ZNF124: variants seen among roughly 807,000 people sequenced by gnomAD.
The protein encoded by ZNF124 is zinc finger protein 124.
ZNF124 carries 25 observed loss-of-function variants against 26.6 expected under a neutral mutation model. The ratio of observed to expected loss-of-function variants is 0.94; its 90% CI spans 0.68 to 1.31. The LOEUF (loss-of-function observed/expected upper bound fraction) is 1.31, where lower values mean the gene tolerates loss of function less well. Ranked by LOEUF, ZNF124 falls within the 40% of genes most tolerant of loss-of-function variation. The pLI is 0.00. For synonymous variants in ZNF124, 129 were observed against 133.3 expected (o/e 0.97, Z 0.22); for missense variants, 444 against 422.2 (o/e 1.05, Z -0.45).
intron 1 of ZNF124, among the ~76,000 whole-genome samples, chr1:247,170,801 C>T (rs1407029736): frequency 1.4e-5 from 2 of 139,426 alleles, no homozygotes; most frequent in South Asian, 2.5e-4. Context: ...TTTCACAGTG[C>T]TTTTCCATAC....
At chr1:247,167,576 C>G (rs532444222) in intron 1 of ZNF124, among the ~76,000 whole-genome samples, 1 of 151,938 alleles carries the variant, frequency 6.6e-6, no homozygotes, top group African/African-American at 2.4e-5. Context: ...AAAGAAGAGA[C>G]GAGACCTCAA....
downstream of ZNF124, among the ~76,000 whole-genome samples, chr1:247,151,117 C>T (rs560762344): frequency 1.0e-3 from 158 of 152,168 alleles, no homozygotes; most frequent in Non-Finnish European, 1.9e-3. Context: ...TGTTAGTAAT[C>T]GGAGAAATGT....
intron 1 of ZNF124, among the ~76,000 whole-genome samples, chr1:247,165,533 G>A (rs544767688): frequency 1.1e-4 from 17 of 152,220 alleles, no homozygotes; most frequent in African/African-American, 4.1e-4. Context: ...TGCCCAAAGC[G>A]ACTGCCACAA....
chr1:247,124,596 A>G (rs1244755764), intron 3 of ZNF124, among the ~76,000 whole-genome samples: 1 of 152,152 alleles, frequency 6.6e-6, no homozygotes, highest in Non-Finnish European at 1.5e-5. Flanking sequence ...TGCATCCTGT[A>G]GCAGCCAACT....
At chr1:247,166,688 A>ACACAGTGTAC in intron 1 of ZNF124, among the ~76,000 whole-genome samples, 1 of 152,252 alleles carries the variant, frequency 6.6e-6, no homozygotes, top group South Asian at 2.1e-4. Flanking sequence ...GTCTAGAAAC[A>ACACAGTGTAC]CACAGTGTAC....
Position 247,123,817 on chromosome 1 carries a change from G to T in ZNF124, c.*51C>A, listed in dbSNP as rs1344836440. The T allele has an allele frequency of 7.1e-6, 5 of 701,680 alleles. No homozygotes were observed. The African/African-American group carries it at 8.8e-5, about 12-fold the overall frequency. 43.5% of individuals were successfully genotyped at this position (701,680 alleles called of 1,614,324 possible). On this transcript the variant is annotated 3_prime_UTR_variant, in exon 4 of 4. Coordinates refer to the ZNF124 transcript ENST00000472531. ...TCCTGAGTCCCAGCCCAGCCTCTTAGTAGCTGTGAGGCTTTGCACAACTTC... is the reference window on the plus strand; with the variant it reads ...TCCTGAGTCCCAGCCCAGCCTCTTATTAGCTGTGAGGCTTTGCACAACTTC...
At chr1:247,166,195 G>C (rs946351919) in intron 1 of ZNF124, among the ~76,000 whole-genome samples, 3 of 152,034 alleles carry the variant, frequency 2.0e-5, no homozygotes, top group African/African-American at 4.8e-5. Context: ...ATAATAAAGT[G>C]AAAACAAAAC....
At chr1:247,130,103 T>G (rs1672298738) in intron 3 of ZNF124, among the ~76,000 whole-genome samples, 1 of 152,184 alleles carries the variant, frequency 6.6e-6, no homozygotes, top group African/African-American at 2.4e-5. Flanking sequence ...TTGAAAATAC[T>G]TGTTCACTTA....
rs757398847 is a variant in ZNF124 at position 247,168,574 on chromosome 1, T to C, written c.30+3274A>G. ...AAACAAAAACACTTGCACACGCATG[T>C]TAACAGTAGCACAATTTGCCACTGC... On this transcript the variant is annotated intron_variant, in intron 1 of 3. Transcript: ENST00000543802. This position sits in a 1 kb window ranked among gnomAD's most constrained non-coding sequence, Gnocchi z 4.0. Among the ~76,000 whole-genome samples the C allele has an allele frequency of 6.6e-6, 1 of 152,116 alleles. No individual in the cohort carries two copies. The highest frequency in any genetic ancestry group is 1.5e-5 in the Non-Finnish European group (1 of 68,020).
At chr1:247,132,273 A>G (rs571054982) in intron 3 of ZNF124, among the ~76,000 whole-genome samples, 147 of 151,770 alleles carry the variant, frequency 9.7e-4, no homozygotes, top group Non-Finnish European at 1.6e-3. Context: ...CCTCAGAAAA[A>G]CCCCATCCAA....
chr1:247,142,076 C>A (rs1232377936), intron 3 of ZNF124, among the ~76,000 whole-genome samples: 4 of 152,146 alleles, frequency 2.6e-5, no homozygotes, highest in Admixed American at 2.6e-4. Flanking sequence ...CTGGAGAAGT[C>A]CAGAGCTCCT....
At chr1:247,134,380 C>T (rs536081912) in intron 3 of ZNF124, among the ~76,000 whole-genome samples, 9 of 152,140 alleles carry the variant, frequency 5.9e-5, no homozygotes, top group African/African-American at 2.2e-4. Context: ...CAAAGACACA[C>T]ATAGGTTCAA....
At chr1:247,133,030 A>G (rs145709646) in intron 3 of ZNF124, among the ~76,000 whole-genome samples, 151 of 152,316 alleles carry the variant, frequency 9.9e-4, no homozygotes, top group African/African-American at 3.5e-3. Context: ...ATTGCTAACT[A>G]GAATAACCAG....
chr1:247,152,916 G>A (rs1672984227), downstream of ZNF124, among the ~76,000 whole-genome samples: 2 of 152,078 alleles, frequency 1.3e-5, no homozygotes, highest in South Asian at 2.1e-4. Flanking sequence ...GGCGGATCAC[G>A]AGGTCAGGAG....
chr1:247,167,199 A>C (rs2103136606), intron 1 of ZNF124, among the ~76,000 whole-genome samples: 1 of 152,262 alleles, frequency 6.6e-6, no homozygotes, highest in South Asian at 2.1e-4. Context: ...AAGCAAAAAA[A>C]CCCTTTTCTC....
At position 247,156,549 on chromosome 1, in the gene ZNF124, T is replaced by C. The variant is rs1673140382; in HGVS notation, c.*17A>G. On this transcript the variant is annotated 3_prime_UTR_variant, in exon 4 of 4. Transcript: ENST00000543802. ...GACTGTTCATGTTTTTGACAAAAAC[T>C]GTAGTGATTAAAGCCTTTACATTTT... is the stretch of plus-strand genomic sequence containing the variant. 2 of 1,511,700 alleles carry C rather than the reference T, an allele frequency of 1.3e-6. No homozygotes were observed. Among genetic ancestry groups the C allele is most frequent in the Non-Finnish European group, 1.8e-6 (2 of 1,134,360 alleles). 93.6% of individuals were successfully genotyped at this position (1,511,700 alleles called of 1,614,324 possible). A position where few individuals can be genotyped will look rare whatever the true frequency, so the allele number is the denominator to read the frequency against.
chr1:247,123,331 G>C (rs1672124322), exon 4 of ZNF124: 1 of 153,026 alleles, frequency 6.5e-6, no homozygotes, highest in Non-Finnish European at 1.5e-5. Context: ...TGAGTAGCTG[G>C]GACCGCAGGC....
intron 3 of ZNF124, among the ~76,000 whole-genome samples, chr1:247,137,487 C>CAAAAAAAAAAAAAA (rs56926662): frequency 3.3e-4 from 27 of 81,604 alleles, no homozygotes; most frequent in East Asian, 1.5e-3. Context: ...ACTAAAAATA[C>CAAAAAAAAAAAAAA]AAAAAAAAAA....
chr1:247,130,282 G>A (rs1254466431), intron 3 of ZNF124, among the ~76,000 whole-genome samples: 1 of 152,184 alleles, frequency 6.6e-6, no homozygotes, highest in Non-Finnish European at 1.5e-5. Flanking sequence ...TGCCCAGAGG[G>A]AGTGTAGTAA....
Sources: allele counts gnomAD v4.1 joint callset (sites outside exome capture counted in the v4.1 genomes callset), GRCh38; gene constraint gnomAD v4.1.1; non-coding constraint Gnocchi (gnomAD v3.1); transcripts MANE v1.5; gene names NCBI Gene and HGNC (gene_info 2026-07-23, HGNC 2026-07-21).